The following RFX4 variants were observed in gnomAD, a reference collection of about 807,000 sequenced individuals.
RFX4 encodes transcription factor RFX4.
A neutral mutation model predicts 95.0 loss-of-function variants in RFX4; 10 were observed. The ratio of observed to expected loss-of-function variants is 0.11; its 90% confidence interval spans 0.06 to 0.18. The LOEUF is 0.18. RFX4 is among the 10% of genes least tolerant of loss of function. The pLI, the probability that RFX4 is intolerant of heterozygous loss-of-function variation, is 1.00. For synonymous variants in RFX4, 321 were observed against 340.7 expected, an observed-to-expected ratio of 0.94 and a Z score of 0.64; for missense variants, 640 against 922.0, an observed-to-expected ratio of 0.69 and a Z score of 3.96.
intron 8 of RFX4, among the ~76,000 whole-genome samples, chr12:106,697,284 C>G (rs2041899120): frequency 6.6e-6 from 1 of 152,160 alleles, no homozygotes; most frequent in East Asian, 1.9e-4. Flanking sequence ...CCTGTTGGGA[C>G]TGTTACAAAG....
At chr12:106,706,441 C>T (rs1010356129) in intron 8 of RFX4, among the ~76,000 whole-genome samples, 2 of 152,140 alleles carry the variant, frequency 1.3e-5, no homozygotes, top group African/African-American at 2.4e-5. Context: ...TGACGGCAGC[C>T]TGAACTAGGG....
At chr12:106,751,399 G>A (rs1383447406) in intron 17 of RFX4, among the ~76,000 whole-genome samples, 5 of 149,830 alleles carry the variant, frequency 3.3e-5, no homozygotes, top group South Asian at 2.2e-4. Flanking sequence ...ATAAACATAC[G>A]TGTGCATGTG....
At chr12:106,589,001 C>T (rs1168547525) in intron 1 of RFX4, among the ~76,000 whole-genome samples, 1 of 152,150 alleles carries the variant, frequency 6.6e-6, no homozygotes, top group Non-Finnish European at 1.5e-5. Flanking sequence ...TCCACAGGTT[C>T]CTGAGAGCCC....
chr12:106,619,922 ATTG>A (rs1489315671), intron 2 of RFX4, among the ~76,000 whole-genome samples: 1 of 152,060 alleles, frequency 6.6e-6, no homozygotes, highest in African/African-American at 2.4e-5. Flanking sequence ...AGGTGGTCCA[ATTG>A]ATTCTTTTCT....
Position 106,720,532 on chromosome 12 carries a change from G to A in RFX4, c.1234-227G>A, listed in dbSNP as rs1300139343. Reference sequence around the variant, plus strand: ...TGAGTAGCTGGGACTACAGGGGTGTGCCACCATTCCCAGCTAATTTTTGTA... The same window carrying A: ...TGAGTAGCTGGGACTACAGGGGTGTACCACCATTCCCAGCTAATTTTTGTA... On this transcript the variant is annotated intron_variant, in intron 12 of 17. Transcript: ENST00000392842. The surrounding 1 kb of genome is among the most constrained non-coding windows in gnomAD (Gnocchi z 4.2). 6.6e-6 allele frequency among the ~76,000 whole-genome samples: 1 copy of A among 152,010 alleles called. No homozygotes were observed. Among genetic ancestry groups the A allele is most frequent in the Non-Finnish European group, 1.5e-5 (1 of 68,016 alleles).
At chr12:106,626,082 A>G (rs1226644896) in intron 2 of RFX4, among the ~76,000 whole-genome samples, 1 of 152,232 alleles carries the variant, frequency 6.6e-6, no homozygotes, top group East Asian at 1.9e-4. Context: ...GATTGACTTC[A>G]TTCAAATGAT....
At chr12:106,612,984 G>A (rs1019848375) in intron 2 of RFX4, among the ~76,000 whole-genome samples, 1 of 152,024 alleles carries the variant, frequency 6.6e-6, no homozygotes, top group Non-Finnish European at 1.5e-5. Context: ...GTGAATGCAG[G>A]CAACCTTGTC....
intron 15 of RFX4, among the ~76,000 whole-genome samples, chr12:106,739,805 G>C (rs1283027915): frequency 6.6e-6 from 1 of 152,138 alleles, no homozygotes; most frequent in Non-Finnish European, 1.5e-5. Flanking sequence ...TTGTAGGCTT[G>C]CTACGCTCCC....
chr12:106,712,412 C>G (rs1304597413), intron 10 of RFX4, among the ~76,000 whole-genome samples: 1 of 152,190 alleles, frequency 6.6e-6, no homozygotes, highest in Non-Finnish European at 1.5e-5. Flanking sequence ...CTCTCTCACA[C>G]TTGGCCCACC....
chr12:106,632,227 A>T lies in RFX4; in HGVS notation c.131-7105A>T, dbSNP rs547257361. Among the ~76,000 whole-genome samples, 11 of 152,268 alleles carry T rather than the reference A, an allele frequency of 7.2e-5. No individual in the cohort carries two copies. The South Asian group carries it at 1.9e-3, about 26-fold the overall frequency. On this transcript the variant is annotated intron_variant, in intron 2 of 17. Coordinates refer to ENST00000392842, the MANE Select transcript of RFX4 (RefSeq NM_213594.3). ...ACCGTGTTAGGAATCATAACTGCCA[A>T]GTGGGAGCAGAACGGAGTGGCAAGA... is the stretch of plus-strand genomic sequence containing the variant.
At chr12:106,660,844 G>A (rs1002912626) in intron 4 of RFX4, among the ~76,000 whole-genome samples, 3 of 152,124 alleles carry the variant, frequency 2.0e-5, no homozygotes, top group African/African-American at 7.2e-5. Flanking sequence ...GCGCTTGTGA[G>A]GGATCTAGGT....
At chr12:106,751,892 G>A (rs2043012910) in intron 17 of RFX4, among the ~76,000 whole-genome samples, 1 of 148,682 alleles carries the variant, frequency 6.7e-6, no homozygotes, top group Non-Finnish European at 1.5e-5. Context: ...TAGGTTGCCT[G>A]TTCACTCTGA....
At chr12:106,749,749 G>A (rs1374793294) in intron 16 of RFX4, among the ~76,000 whole-genome samples, 1 of 152,158 alleles carries the variant, frequency 6.6e-6, no homozygotes, top group African/African-American at 2.4e-5. Context: ...ACCGTGCGCA[G>A]CATTTTTATG....
chr12:106,733,068 C>A lies in RFX4; in HGVS notation c.1616C>A (p.Thr539Asn), dbSNP rs2042643488. The A allele has an allele frequency of 1.2e-6, 2 of 1,614,182 alleles. No homozygotes were observed. The highest frequency in any genetic ancestry group is 1.7e-6 in the Non-Finnish European group (2 of 1,179,996). The change falls in exon 15 of 18, where the codon ACT (threonine) becomes AAT (asparagine). Residue 539 changes from threonine to asparagine, a missense_variant. This residue lies in a region of RFX4 where 300 missense variants were observed against 346.8 expected (regional missense o/e 0.87). Coordinates refer to ENST00000392842, the MANE Select transcript of RFX4 (RefSeq NM_213594.3). The part of the protein sequence containing the change: ...SPVSNPSPEY[T>N]GLSTTGAMQS... ...GTTAGCAATCCTTCCCCTGAGTACA[C>A]TGGCCTCAGCACTACAGGTAATGGA...
intron 2 of RFX4, among the ~76,000 whole-genome samples, chr12:106,637,410 A>G (rs1290341633): frequency 2.0e-5 from 3 of 152,216 alleles, no homozygotes; most frequent in Non-Finnish European, 2.9e-5. Flanking sequence ...TCTATACATC[A>G]TATGACATTT....
At chr12:106,624,279 T>A (rs899276201) in intron 2 of RFX4, among the ~76,000 whole-genome samples, 4 of 152,240 alleles carry the variant, frequency 2.6e-5, no homozygotes, top group African/African-American at 9.6e-5. Flanking sequence ...CCTTGGGCTG[T>A]TTTTATACAT....
At position 106,720,905 on chromosome 12, in the gene RFX4, C is replaced by T. The variant is rs766472344; in HGVS notation, c.1351+29C>T. On this transcript the variant is annotated intron_variant, in intron 13 of 17. Coordinates refer to ENST00000392842, the MANE Select transcript of RFX4 (RefSeq NM_213594.3). This position sits in a 1 kb window ranked among gnomAD's most constrained non-coding sequence, Gnocchi z 4.2. ...AGGCCACCCCAGCCCTCCCCATCTC[C>T]AAGCACTTTTTCCTCTGGGCACGGA... 30 of 1,599,226 alleles carry T rather than the reference C, an allele frequency of 1.9e-5. 1 individual carries two copies. In the South Asian group the frequency reaches 3.2e-4, roughly 17 times the overall value.
intron 2 of RFX4, among the ~76,000 whole-genome samples, chr12:106,615,095 T>C (rs12300060): frequency 0.07 from 10,683 of 152,226 alleles, 847 homozygotes; most frequent in African/African-American, 0.19. Context: ...TAACATATCA[T>C]CTAGCAGCTT....
Position 106,675,175 on chromosome 12 carries a change from A to G in RFX4, c.316-6818A>G, listed in dbSNP as rs2041367193. Among the ~76,000 whole-genome samples the G allele has an allele frequency of 1.3e-5, 2 of 152,360 alleles. 1 individual carries two copies. The highest frequency in any genetic ancestry group is 6.8e-3 in the Middle Eastern group (2 of 294). On this transcript the variant is annotated intron_variant, in intron 4 of 17. Coordinates refer to ENST00000392842, the MANE Select transcript of RFX4 (RefSeq NM_213594.3). The stretch of plus-strand genomic sequence containing the variant: ...GCCAGGCACCGTAGTTCTGGCCTGT[A>G]ATCCCAGCACTTTGGGAGGCAGAGG...
Sources: gnomAD v4.1 joint callset for allele counts (sites outside exome capture counted in the v4.1 genomes callset) on GRCh38, gnomAD v4.1.1 for gene constraint, gnomAD v4.1.1 regional missense constraint, Gnocchi (gnomAD v3.1) non-coding constraint, MANE v1.5 for transcripts, NCBI Gene and HGNC (gene_info 2026-07-23, HGNC 2026-07-21) for gene names.